The following RTEL1 variants were observed in gnomAD, a reference collection of about 807,000 sequenced individuals.
The protein encoded by RTEL1 is regulator of telomere elongation helicase 1, also known as regulator of telomere length.
In RTEL1, 86 loss-of-function variants were observed where a neutral mutation model predicts 162.2. The observed-to-expected ratio is 0.53, with a 90% confidence interval of 0.45 to 0.63. The LOEUF (loss-of-function observed/expected upper bound fraction) is 0.63. Among genes scored for constraint, RTEL1 ranks in the 30% least tolerant of loss-of-function variants. The probability of loss-of-function intolerance (pLI) is 0.00; values close to 1 mark genes in which losing one functional copy is unlikely to be tolerated. For missense variants in RTEL1, 1,941 were observed against 1,750.2 expected, an observed-to-expected ratio of 1.11 and a Z score of -1.95; for synonymous variants, 958 against 717.9, an observed-to-expected ratio of 1.33 and a Z score of -5.35.
At position 63,689,621 on chromosome 20, in the gene RTEL1, G is replaced by A. The variant is rs140566414; in HGVS notation, c.1998G>A (p.Met666Ile). The A allele has an allele frequency of 6.2e-7, 1 of 1,612,286 alleles. No individual in the cohort carries two copies. The highest frequency in any genetic ancestry group is 1.1e-5 in the South Asian group (1 of 91,048). Reference protein sequence around the residue: ...VVLKMQFLDEMKGQGGAGGQF... With the variant: ...VVLKMQFLDEIKGQGGAGGQF... ...TCAAGATGCAGTTCCTGGATGAGATGAAGGGCCAGGGTGGGGCTGGGGGCC... is the reference window on the plus strand; with the variant it reads ...TCAAGATGCAGTTCCTGGATGAGATAAAGGGCCAGGGTGGGGCTGGGGGCC... Residue 666 changes from methionine to isoleucine, a missense_variant, in exon 23 of 35, where the codon ATG (methionine) becomes ATA (isoleucine). Physicochemically the swap from Met to Ile is conservative, Grantham distance 10. Transcript: ENST00000360203.
intron 5 of RTEL1, 76 bp downstream of exon 5, chr20:63,662,703 G>C: frequency 6.2e-7 from 1 of 1,603,574 alleles, no homozygotes; most frequent in Non-Finnish European, 8.5e-7. Flanking sequence ...CCCAGGCTGC[G>C]CTCCCGCTGG....
chr20:63,682,617 T>G (rs1413219305), intron 14 of RTEL1: 1 of 985,746 alleles, frequency 1.0e-6, no homozygotes, highest in East Asian at 1.1e-4. Flanking sequence ...GATGAGGGAC[T>G]GCACACAGTG....
At chr20:63,689,276 C>T (rs557001232) in intron 22 of RTEL1, 144 bp downstream of exon 22, 55 of 918,526 alleles carry the variant, frequency 6.0e-5, no homozygotes, top group Non-Finnish European at 8.5e-5. Flanking sequence ...CTGCTGGGAG[C>T]GTGTCCTGCT....
intron 6 of RTEL1, chr20:63,665,200 C>T (rs2090102381): frequency 6.5e-6 from 1 of 152,852 alleles, no homozygotes; most frequent in South Asian, 2.1e-4. Context: ...CTGGCACCTC[C>T]TGGGGACAGG....
chr20:63,663,799 A>C (rs2090068815), intron 6 of RTEL1, among the ~76,000 whole-genome samples: 1 of 152,220 alleles, frequency 6.6e-6, no homozygotes, highest in South Asian at 2.1e-4. Flanking sequence ...TTCTGCACTC[A>C]CGTTTGCTGA....
rs745431021 is a variant in RTEL1 at position 63,673,938 on chromosome 20, A to G, written c.766-2A>G. Reference sequence around the variant, plus strand: ...GGTGATTCGGGTGTGCTTGGGCTCTAGGAGAAGATGTGTGAAGAATCGGCA... The same window carrying G: ...GGTGATTCGGGTGTGCTTGGGCTCTGGGAGAAGATGTGTGAAGAATCGGCA... On this transcript the variant is annotated splice_acceptor_variant, in intron 9 of 34. Transcript: ENST00000360203. LOFTEE classifies it high-confidence loss of function. 2.5e-6 allele frequency: 4 copies of G among 1,608,788 alleles called. No homozygotes were observed. The South Asian group carries it at 4.4e-5, about 18-fold the overall frequency.
chr20:63,666,898 G>C (rs1033564645), intron 7 of RTEL1, among the ~76,000 whole-genome samples: 1 of 146,000 alleles, frequency 6.8e-6, no homozygotes, highest in African/African-American at 2.6e-5. Context: ...GGAGTGCAGT[G>C]GTGCGATCTC....
chr20:63,692,768 G>A (rs779427902), intron 28 of RTEL1, 37 bp from the exon 29 acceptor site: 4 of 1,585,778 alleles, frequency 2.5e-6, no homozygotes, highest in Admixed American at 3.4e-5. Context: ...AGATGATGAG[G>A]CTGGCCCTGA....
In RTEL1 at chr20:63,681,521, C is replaced by T. The variant is rs561621340; in HGVS notation, c.1191+802C>T. 430 of 984,832 alleles carry T rather than the reference C, an allele frequency of 4.4e-4. 1 individual carries two copies. In the African/African-American group the frequency reaches 6.7e-3, roughly 15 times the overall value. 61.0% of individuals were successfully genotyped at this position (984,832 alleles called of 1,614,324 possible). A position where few individuals can be genotyped will look rare whatever the true frequency, so the allele number is the denominator to read the frequency against. ...GCAGGGCTGCCCAGCGCTATGACAG[C>T]TTCATGAGTGTCCATCTGGCCTGTG... is the stretch of plus-strand genomic sequence containing the variant. On this transcript the variant is annotated intron_variant, in intron 14 of 34. Coordinates refer to ENST00000360203, the MANE Select transcript of RTEL1 (RefSeq NM_001283009.2).
chr20:63,679,736 C>T (rs1177028044), intron 12 of RTEL1, 113 bp from the exon 13 acceptor site: 1 of 806,834 alleles, frequency 1.2e-6, no homozygotes, highest in African/African-American at 1.7e-5. Context: ...GCAGCTACAT[C>T]TTTGACCAGT....
At chr20:63,687,484 T>G in intron 16 of RTEL1, 154 bp from the exon 17 acceptor site, 7 of 870,618 alleles carry the variant, frequency 8.0e-6, no homozygotes, top group Admixed American at 3.0e-5. Context: ...GCAGCCTCCT[T>G]TGTTCTGACT....
chr20:63,666,097 G>A lies in RTEL1; in HGVS notation c.614+18G>A. On this transcript the variant is annotated intron_variant, in intron 7 of 34. Transcript: ENST00000360203. Reference sequence around the variant, plus strand: ...AAGCACAGGTGAGACCCCTCAGTGAGGCCACGACCACTGTCCTTCCATGGC... The same window carrying A: ...AAGCACAGGTGAGACCCCTCAGTGAAGCCACGACCACTGTCCTTCCATGGC... The A allele has an allele frequency of 6.2e-7, 1 of 1,606,694 alleles. No homozygotes were observed. Among genetic ancestry groups the A allele is most frequent in the Non-Finnish European group, 8.5e-7 (1 of 1,173,444 alleles).
rs374540895 is a variant in RTEL1, at chr20:63,691,841, C to A, written c.2652+4C>A. ...GATCCGGCTGGTCAGCCACCCGGTG[C>A]GTGAGCTGTCCCTGCACCTGTGCCG... On this transcript the variant is annotated splice_donor_region_variant and intron_variant, in intron 28 of 34. Coordinates refer to ENST00000360203, the MANE Select transcript of RTEL1 (RefSeq NM_001283009.2). The A allele has an allele frequency of 1.9e-6, 3 of 1,607,466 alleles. No homozygotes were observed. Among genetic ancestry groups the A allele is most frequent in the Admixed American group, 3.3e-5 (2 of 59,994 alleles).
intron 14 of RTEL1, among the ~76,000 whole-genome samples, chr20:63,683,078 C>G (rs1358031447): frequency 6.6e-6 from 1 of 152,198 alleles, no homozygotes; most frequent in Non-Finnish European, 1.5e-5. Context: ...ATCCTCTTGC[C>G]TCAGCCACCC....
In RTEL1 at chr20:63,694,957, A is replaced by T; in HGVS notation, c.3326A>T (p.Asp1109Val). ...LAALTTAKPEDFPLLHRFSMF... is the reference protein window; with the variant it reads ...LAALTTAKPEVFPLLHRFSMF... ...GCCCTGACCACTGCAAAGCCAGAGG[A>T]CTTCCCCCTGCTGCACAGCAAGTGG... The change falls in exon 32 of 35, where the codon GAC becomes GTC. Residue 1109 changes from aspartate (D) to valine (V), a missense_variant. Coordinates refer to ENST00000360203, the MANE Select transcript of RTEL1 (RefSeq NM_001283009.2). The T allele has an allele frequency of 6.2e-7, 1 of 1,612,344 alleles. No homozygotes were observed. The highest frequency in any genetic ancestry group is 8.5e-7 in the Non-Finnish European group (1 of 1,179,808).
At position 63,661,113 on chromosome 20, in the gene RTEL1, C is replaced by T. The variant is rs549850499; in HGVS notation, c.103-185C>T. On this transcript the variant is annotated intron_variant, in intron 2 of 34. Coordinates refer to ENST00000360203, the MANE Select transcript of RTEL1 (RefSeq NM_001283009.2). This position sits in a 1 kb window ranked among gnomAD's most constrained non-coding sequence, Gnocchi z 5.1. ...AATGGCGGCTGAGTTGCTTCACGCC[C>T]TTTAGGGCAAGAGTGGGACTTGCCT... Among the ~76,000 whole-genome samples the T allele has an allele frequency of 1.3e-5, 2 of 152,352 alleles. No homozygotes were observed. The highest frequency in any genetic ancestry group is 2.1e-4 in the South Asian group (1 of 4,830).
intron 10 of RTEL1, among the ~76,000 whole-genome samples, chr20:63,677,807 A>ATCCTTT: frequency 1.3e-4 from 1 of 7,426 alleles, no homozygotes. Context: ...CTGTTGGTGG[A>ATCCTTT]TTTGGCCTGC....
intron 16 of RTEL1, chr20:63,686,164 G>A: frequency 2.0e-6 from 1 of 502,534 alleles, no homozygotes; most frequent in African/African-American, 1.9e-5. Flanking sequence ...GCTCGTTTAT[G>A]CCGAGGCCGT....
intron 9 of RTEL1, among the ~76,000 whole-genome samples, chr20:63,673,561 C>A (rs976395360): frequency 1.6e-4 from 25 of 151,986 alleles, no homozygotes; most frequent in African/African-American, 5.8e-4. Context: ...ACCTCAGCCT[C>A]CCGAGTAGCC....
Sources: allele counts gnomAD v4.1 joint callset (sites outside exome capture counted in the v4.1 genomes callset), GRCh38; gene constraint gnomAD v4.1.1; non-coding constraint Gnocchi (gnomAD v3.1); transcripts MANE v1.5; gene names NCBI Gene and HGNC (gene_info 2026-07-23, HGNC 2026-07-21).